The following HSDL1 variants were observed in gnomAD, a reference collection of about 807,000 sequenced individuals.
The protein encoded by HSDL1 is hydroxysteroid dehydrogenase like 1.
Under a neutral mutation model 31.5 loss-of-function variants are expected in HSDL1, and 29 were observed. That is an observed-to-expected ratio of 0.92 (90% confidence interval 0.69 to 1.26). The LOEUF (loss-of-function observed/expected upper bound fraction) is 1.26. HSDL1 is among the 50% of genes most tolerant of loss of function. HSDL1 has a pLI of 0.00. For missense variants in HSDL1, 503 were observed against 416.6 expected, an observed-to-expected ratio of 1.21 and a Z score of -1.81; for synonymous variants, 222 against 155.2, an observed-to-expected ratio of 1.43 and a Z score of -3.20.
intron 2 of HSDL1, 94 bp from the exon 3 acceptor site, chr16:84,131,421 A>T: frequency 1.2e-6 from 1 of 839,282 alleles, no homozygotes; most frequent in Admixed American, 2.0e-5. Flanking sequence ...AGGGCATCAG[A>T]TCTTGTCAAT....
chr16:84,129,751 C>G lies in HSDL1; in HGVS notation c.691G>C (p.Ala231Pro), dbSNP rs762807870. ...TTAGAGGCATATTCATATTGCAAGG[C>G]TCTGCTGAAGTGGTCTAAATAAGCC... Reference protein sequence around the residue: ...SKAYLDHFSRALQYEYASKGI... With the variant: ...SKAYLDHFSRPLQYEYASKGI... Residue 231 changes from alanine to proline, a missense_variant, in exon 5 of 6, where the codon GCC becomes CCC. Coordinates refer to ENST00000219439, the MANE Select transcript of HSDL1 (RefSeq NM_031463.5). 1 of 1,614,076 alleles carries G rather than the reference C, an allele frequency of 6.2e-7. No homozygotes were observed. Among genetic ancestry groups the G allele is most frequent in the Non-Finnish European group, 8.5e-7 (1 of 1,179,924 alleles).
At chr16:84,133,322 C>T (rs545049464) in intron 2 of HSDL1, among the ~76,000 whole-genome samples, 45 of 152,106 alleles carry the variant, frequency 3.0e-4, no homozygotes, top group South Asian at 6.2e-4. Context: ...AGTAGGATTC[C>T]TAAATGCCCT....
intron 1 of HSDL1, among the ~76,000 whole-genome samples, chr16:84,136,249 CT>C (rs1043452993): frequency 4.1e-4 from 63 of 152,310 alleles, no homozygotes; most frequent in African/African-American, 1.4e-3. Context: ...GGCAGCCCCC[CT>C]AGGCTGTGAG....
At chr16:84,135,245 A>AG (rs2086701896) in intron 2 of HSDL1, among the ~76,000 whole-genome samples, 1 of 149,580 alleles carries the variant, frequency 6.7e-6, no homozygotes, top group Admixed American at 6.6e-5. Context: ...AAAAGAAAAA[A>AG]GAAAAAAAAA....
intron 1 of HSDL1, among the ~76,000 whole-genome samples, chr16:84,140,908 G>A (rs1002511513): frequency 3.3e-5 from 5 of 152,040 alleles, no homozygotes; most frequent in East Asian, 3.9e-4. Context: ...TCGAGACCAC[G>A]GTGAAACCCC....
intron 1 of HSDL1, among the ~76,000 whole-genome samples, chr16:84,140,553 C>T (rs1052491143): frequency 2.0e-5 from 3 of 152,142 alleles, no homozygotes; most frequent in African/African-American, 7.2e-5. Flanking sequence ...GCGTGAGCCA[C>T]TGCACCTGGC....
At position 84,130,350 on chromosome 16, in the gene HSDL1, T is replaced by G; in HGVS notation, c.302A>C (p.Glu101Ala). 1 of 1,614,222 alleles carries G rather than the reference T, an allele frequency of 6.2e-7. No individual in the cohort carries two copies. The highest frequency in any genetic ancestry group is 8.5e-7 in the Non-Finnish European group (1 of 1,180,048). Residue 101 changes from glutamate to alanine, a missense_variant, in exon 4 of 6, where the codon GAG becomes GCG. Coordinates refer to ENST00000219439, the MANE Select transcript of HSDL1 (RefSeq NM_031463.5). The stretch of plus-strand genomic sequence containing the variant: ...TTTAGCAACAACCTGCAACTTCTCC[T>G]CGTTCCGACTAATCAGGATTATATT... ...GLNIILISRNEEKLQVVAKDI... is the reference protein window; with the variant it reads ...GLNIILISRNAEKLQVVAKDI...
chr16:84,128,834 A>T (rs925999163), intron 5 of HSDL1, among the ~76,000 whole-genome samples: 2 of 151,954 alleles, frequency 1.3e-5, no homozygotes, highest in African/African-American at 4.8e-5. Flanking sequence ...CAGCCTCCCA[A>T]GTAGCTGGGA....
At chr16:84,126,838 T>C (rs1176722943) in intron 5 of HSDL1, among the ~76,000 whole-genome samples, 1 of 152,152 alleles carries the variant, frequency 6.6e-6, no homozygotes, top group Non-Finnish European at 1.5e-5. Flanking sequence ...AATCAAATCT[T>C]TGATGTAAAA....
At chr16:84,142,453 T>TTTTTA (rs2086777308) in intron 1 of HSDL1, among the ~76,000 whole-genome samples, 1 of 144,384 alleles carries the variant, frequency 6.9e-6, no homozygotes, top group Non-Finnish European at 1.5e-5. Flanking sequence ...TTTTTTTTTT[T>TTTTTA]GAGACAGAGT....
intron 2 of HSDL1, among the ~76,000 whole-genome samples, chr16:84,132,679 G>C (rs927437238): frequency 6.6e-6 from 1 of 152,194 alleles, no homozygotes; most frequent in African/African-American, 2.4e-5. Context: ...ACATGATGTG[G>C]TAGGTGTGTG....
chr16:84,124,630 T>A lies in HSDL1; in HGVS notation c.993A>T (p.Ter331CysextTer6). The A allele has an allele frequency of 6.2e-7, 1 of 1,606,190 alleles. No individual in the cohort carries two copies. The highest frequency in any genetic ancestry group is 1.7e-5 in the Admixed American group (1 of 60,026). The stretch of plus-strand genomic sequence containing the variant: ...AAACTTCTCAAGTGGCCATCCAGAC[T>A]CAGGCTGTGCAGGATAAGGCTTCCT... ...LRKEALSCTA[*>C] Residue 331 changes from the stop codon to cysteine (C), a stop_lost, in exon 6 of 6, where the codon TGA becomes TGT. Transcript: ENST00000219439.
chr16:84,122,216 AG>A lies in HSDL1; in HGVS notation c.*2413del, dbSNP rs2086561225. 4 of 152,724 alleles carry A rather than the reference AG, an allele frequency of 2.6e-5. No homozygotes were observed. In the South Asian group the frequency reaches 8.3e-4, roughly 32 times the overall value. The allele number at this position is 152,724 out of a possible 1,614,324, so 9.5% of individuals were successfully genotyped here. ...TGTTAATTTCTTGCAATCACTCCTA[AG>A]AAAAAAAAATTCTCTCATTCCAAAT... On this transcript the variant is annotated 3_prime_UTR_variant, in exon 6 of 6. Transcript: ENST00000219439.
chr16:84,139,153 G>C (rs2086741203), intron 1 of HSDL1: 2 of 152,272 alleles, frequency 1.3e-5, no homozygotes, highest in South Asian at 2.1e-4. Context: ...GCGAACGACA[G>C]TGTGGTGGGC....
intron 5 of HSDL1, among the ~76,000 whole-genome samples, chr16:84,125,500 A>C (rs2086597361): frequency 6.6e-6 from 1 of 151,852 alleles, no homozygotes; most frequent in Non-Finnish European, 1.5e-5. Context: ...ATCCCAACAA[A>C]TACCCACCAA....
intron 5 of HSDL1, among the ~76,000 whole-genome samples, chr16:84,127,337 TC>T (rs2086619521): frequency 6.8e-6 from 1 of 147,100 alleles, no homozygotes; most frequent in East Asian, 2.1e-4. Context: ...TGCCTCAGAC[TC>T]CCAGGTAGCT....
At chr16:84,137,098 T>C (rs1324015107) in intron 1 of HSDL1, among the ~76,000 whole-genome samples, 4 of 152,152 alleles carry the variant, frequency 2.6e-5, no homozygotes, top group Admixed American at 2.0e-4. Context: ...GACACCATCA[T>C]GAATAAACCA....
intron 2 of HSDL1, among the ~76,000 whole-genome samples, chr16:84,134,114 GC>G (rs35407617): frequency 0.16 from 24,004 of 151,640 alleles, 2,019 homozygotes; most frequent in South Asian, 0.24. Flanking sequence ...CAAAGTTAGG[GC>G]CCCCCCTTCA....
intron 1 of HSDL1, among the ~76,000 whole-genome samples, chr16:84,141,235 T>C (rs2086766639): frequency 1.3e-5 from 2 of 149,314 alleles, no homozygotes; most frequent in African/African-American, 5.0e-5. Flanking sequence ...AGCTATATAG[T>C]CCATCCTCCT....
Sources: allele counts gnomAD v4.1 joint callset (sites outside exome capture counted in the v4.1 genomes callset), GRCh38; gene constraint gnomAD v4.1.1; transcripts MANE v1.5; gene names NCBI Gene and HGNC (gene_info 2026-07-23, HGNC 2026-07-21).